The following SEMA5A variants were observed in gnomAD, a reference collection of about 807,000 sequenced individuals.
The protein encoded by SEMA5A is semaphorin 5A.
In SEMA5A, 55 loss-of-function variants were observed where a neutral mutation model predicts 135.5. That is an observed-to-expected ratio of 0.41 (90% CI 0.33 to 0.51). SEMA5A has a LOEUF of 0.51. Among genes scored for constraint, SEMA5A ranks in the 20% least tolerant of loss-of-function variants. The pLI is 0.37. For synonymous variants in SEMA5A, 580 were observed against 546.5 expected, an observed-to-expected ratio of 1.06 and a Z score of -0.85; for missense variants, 1,290 against 1,419.9, an observed-to-expected ratio of 0.91 and a Z score of 1.47.
At chr5:9,265,465 G>A in intron 5 of SEMA5A, 2 of 456,320 alleles carry the variant, frequency 4.4e-6, no homozygotes, top group South Asian at 1.5e-5. Flanking sequence ...GCCTCCCACA[G>A]CCCTGTGATG....
In SEMA5A at chr5:9,196,668, T is replaced by A. The variant is rs1745402743; in HGVS notation, c.1068+500A>T. Among the ~76,000 whole-genome samples the A allele has an allele frequency of 3.3e-5, 5 of 152,144 alleles. No homozygotes were observed. The South Asian group carries it at 1.0e-3, about 32-fold the overall frequency. ...GCTTGAACCTCCTGCAGTTTTGTGA[T>A]AACAGATGAAGGGCCTCCACCTCCT... On this transcript the variant is annotated intron_variant, in intron 10 of 22. Coordinates refer to ENST00000382496, the MANE Select transcript of SEMA5A (RefSeq NM_003966.3).
chr5:9,156,481 C>T (rs1262694327), intron 11 of SEMA5A, among the ~76,000 whole-genome samples: 1 of 152,152 alleles, frequency 6.6e-6, no homozygotes, highest in Non-Finnish European at 1.5e-5. Flanking sequence ...CAGTGATGGG[C>T]ATAGAGCCTG....
rs544396327 is a variant in SEMA5A at position 9,456,747 on chromosome 5, A to C, written c.-174-18895T>G. On this transcript the variant is annotated intron_variant, in intron 1 of 22. Transcript: ENST00000382496. ...TGTGATTCAAGGCAAGGGGGGAAAA[A>C]CAGCACTGAGGGAAACTTCAAGAAG... 5.9e-5 allele frequency among the ~76,000 whole-genome samples: 9 copies of C among 152,136 alleles called. 1 individual carries two copies. The South Asian group carries it at 1.4e-3, about 24-fold the overall frequency.
chr5:9,300,947 A>C (rs776250151), intron 5 of SEMA5A, among the ~76,000 whole-genome samples: 2 of 152,212 alleles, frequency 1.3e-5, no homozygotes, highest in Non-Finnish European at 2.9e-5. Flanking sequence ...TCCAGGCTCC[A>C]GCACTGTAAA....
chr5:9,076,652 G>A (rs889215521), intron 16 of SEMA5A, among the ~76,000 whole-genome samples: 1 of 152,104 alleles, frequency 6.6e-6, no homozygotes, highest in Non-Finnish European at 1.5e-5. Context: ...AAACAACTAT[G>A]AGTTTATACA....
chr5:9,060,272 C>G (rs1737113398), intron 18 of SEMA5A, among the ~76,000 whole-genome samples: 1 of 152,134 alleles, frequency 6.6e-6, no homozygotes, highest in Non-Finnish European at 1.5e-5. Context: ...GCTTGACCAC[C>G]AAATCAACTA....
chr5:9,237,983 G>T, intron 5 of SEMA5A, 93 bp from the exon 6 acceptor site: 1 of 1,110,586 alleles, frequency 9.0e-7, no homozygotes. Context: ...AACCAGATTA[G>T]GAAATATGGC....
intron 18 of SEMA5A, among the ~76,000 whole-genome samples, chr5:9,061,239 C>T (rs1191512183): frequency 1.3e-5 from 2 of 152,076 alleles, no homozygotes; most frequent in African/African-American, 4.8e-5. Flanking sequence ...TCTGTGTATA[C>T]CCTGTAAACA....
intron 11 of SEMA5A, among the ~76,000 whole-genome samples, chr5:9,185,961 G>T (rs3797936): frequency 0.09 from 13,755 of 152,140 alleles, 1,004 homozygotes; most frequent in African/African-American, 0.17. Flanking sequence ...AGCCAGTGGA[G>T]AAGTGTTTCC....
At chr5:9,192,086 T>C (rs1196615959) in intron 10 of SEMA5A, among the ~76,000 whole-genome samples, 1 of 98,676 alleles carries the variant, frequency 1.0e-5, no homozygotes, top group East Asian at 3.3e-4. Context: ...CCATGACCCA[T>C]GTGTGAGTTT....
intron 16 of SEMA5A, among the ~76,000 whole-genome samples, chr5:9,098,395 A>C (rs921761772): frequency 3.3e-5 from 5 of 152,348 alleles, no homozygotes; most frequent in Admixed American, 6.5e-5. Context: ...ACATGTGTCC[A>C]ATTTGAAGGG....
At chr5:9,538,694 G>A (rs939842929) in intron 1 of SEMA5A, among the ~76,000 whole-genome samples, 3 of 152,138 alleles carry the variant, frequency 2.0e-5, no homozygotes, top group South Asian at 2.1e-4. Context: ...TTATGTTGTC[G>A]CATCCGGAAA....
chr5:9,427,358 G>C (rs946396857), intron 2 of SEMA5A, among the ~76,000 whole-genome samples: 2 of 152,128 alleles, frequency 1.3e-5, no homozygotes, highest in South Asian at 2.1e-4. Context: ...GCAGCAGAAT[G>C]ATAAAGTAAA....
At chr5:9,316,912 C>G (rs1233418798) in intron 5 of SEMA5A, among the ~76,000 whole-genome samples, 2 of 152,108 alleles carry the variant, frequency 1.3e-5, no homozygotes. Context: ...ATTCCTTTGT[C>G]TAACTGGAAT....
intron 11 of SEMA5A, among the ~76,000 whole-genome samples, chr5:9,174,232 C>A (rs1447728427): frequency 6.6e-6 from 1 of 152,156 alleles, no homozygotes; most frequent in Non-Finnish European, 1.5e-5. Context: ...AGGAAATGTT[C>A]TAAGTGTTAA....
chr5:9,294,004 G>A (rs1303932762), intron 5 of SEMA5A, among the ~76,000 whole-genome samples: 1 of 152,140 alleles, frequency 6.6e-6, no homozygotes, highest in Non-Finnish European at 1.5e-5. Context: ...TAGTCCCTCT[G>A]CCAATAGTGG....
chr5:9,348,519 A>G (rs1436909453), intron 3 of SEMA5A, among the ~76,000 whole-genome samples: 1 of 152,204 alleles, frequency 6.6e-6, no homozygotes, highest in Non-Finnish European at 1.5e-5. Flanking sequence ...TGAGTCACCC[A>G]TAGGAAACTT....
At chr5:9,371,773 T>C (rs2126438930) in intron 3 of SEMA5A, among the ~76,000 whole-genome samples, 1 of 152,288 alleles carries the variant, frequency 6.6e-6, no homozygotes, top group Middle Eastern at 3.4e-3. Flanking sequence ...ACAGCACGTT[T>C]CCTCCCCAAG....
chr5:9,104,503 C>T (rs1404849795), intron 16 of SEMA5A, among the ~76,000 whole-genome samples: 3 of 152,144 alleles, frequency 2.0e-5, no homozygotes, highest in Non-Finnish European at 4.4e-5. Flanking sequence ...TAAAAGGAAA[C>T]ACACATATGA....
Sources: allele counts gnomAD v4.1 joint callset (sites outside exome capture counted in the v4.1 genomes callset), GRCh38; gene constraint gnomAD v4.1.1; transcripts MANE v1.5; gene names NCBI Gene and HGNC (gene_info 2026-07-23, HGNC 2026-07-21).